Variants in PCDHGB5 observed in about 807,000 individuals in gnomAD.
PCDHGB5 encodes the protein protocadherin gamma-B5.
In PCDHGB5, 48 loss-of-function variants were observed where a neutral mutation model predicts 62.9. The ratio of observed to expected loss-of-function variants is 0.76; its 90% CI spans 0.61 to 0.97. The LOEUF (loss-of-function observed/expected upper bound fraction) is 0.97. PCDHGB5 is among the 50% of genes least tolerant of loss of function. PCDHGB5 has a pLI of 0.00. For synonymous variants in PCDHGB5, 474 were observed against 511.2 expected (o/e 0.93, Z 0.98); for missense variants, 1,118 against 1,198.6 (o/e 0.93, Z 0.99).
intron 1 of PCDHGB5, among the ~76,000 whole-genome samples, chr5:141,448,632 T>G (rs1383720361): frequency 1.3e-5 from 2 of 152,106 alleles, no homozygotes; most frequent in Admixed American, 1.3e-4. Context: ...TTCTTCACAT[T>G]ATATCCTTTA....
At chr5:141,453,481 TA>T (rs1178324090) in intron 1 of PCDHGB5, among the ~76,000 whole-genome samples, 1 of 151,928 alleles carries the variant, frequency 6.6e-6, no homozygotes, top group Non-Finnish European at 1.5e-5. Context: ...TCAAAACTAT[TA>T]AAAAAAGGTG....
chr5:141,404,932 C>A, intron 1 of PCDHGB5: 1 of 1,613,944 alleles, frequency 6.2e-7, no homozygotes, highest in Non-Finnish European at 8.5e-7. Flanking sequence ...CTGTCACGCT[C>A]ACAGTAGCCA....
Position 141,432,593 on chromosome 5 carries a change from A to G in PCDHGB5, c.2397+32069A>G, listed in dbSNP as rs2097518945. ...GCTGTCCTACCGTCTGCTCAAGGCC[A>G]GCGAGCCGGGACTCTTCTCGGTGGG... On this transcript the variant is annotated intron_variant, in intron 1 of 3. Transcript: ENST00000617380. The surrounding 1 kb of genome is among the most constrained non-coding windows in gnomAD (Gnocchi z 6.0). 6.2e-7 allele frequency: 1 copy of G among 1,612,958 alleles called. No individual in the cohort carries two copies. Among genetic ancestry groups the G allele is most frequent in the Non-Finnish European group, 8.5e-7 (1 of 1,179,834 alleles).
At chr5:141,507,558 G>A (rs573728108) in intron 3 of PCDHGB5, among the ~76,000 whole-genome samples, 57 of 152,346 alleles carry the variant, frequency 3.7e-4, no homozygotes, top group African/African-American at 1.3e-3. Context: ...AGTGGCAGGC[G>A]GCTGGGTCTG....
rs1299607088 is a variant in PCDHGB5 at position 141,472,933 on chromosome 5, C to T, written c.2398-21874C>T. ...CCCAAGAGGAGGAGGTTGTGGTGAG[C>T]CAAGATTATGCCATTGCACTCCAGC... On this transcript the variant is annotated intron_variant, in intron 1 of 3. Coordinates refer to ENST00000617380, the MANE Select transcript of PCDHGB5 (RefSeq NM_018925.3). Among the ~76,000 whole-genome samples, 4 of 143,758 alleles carry T rather than the reference C, an allele frequency of 2.8e-5. No individual in the cohort carries two copies. In the Admixed American group the frequency reaches 2.9e-4, roughly 10 times the overall value. 94.3% of individuals were successfully genotyped at this position (143,758 alleles called of 152,430 possible). A position where few individuals can be genotyped will look rare whatever the true frequency, so the allele number is the denominator to read the frequency against.
chr5:141,495,430 C>T (rs1189953474), intron 2 of PCDHGB5, among the ~76,000 whole-genome samples: 3 of 152,220 alleles, frequency 2.0e-5, no homozygotes, highest in Admixed American at 2.0e-4. Context: ...TCCCACTGTC[C>T]TCTGCCCCTA....
At chr5:141,458,987 C>A (rs2098958554) in intron 1 of PCDHGB5, among the ~76,000 whole-genome samples, 1 of 152,168 alleles carries the variant, frequency 6.6e-6, no homozygotes, top group Non-Finnish European at 1.5e-5. Context: ...CCTGCCTCAC[C>A]CTCCCAAAGT....
Position 141,420,095 on chromosome 5 carries a change from G to A in PCDHGB5, c.2397+19571G>A, listed in dbSNP as rs1382286285. 2.5e-6 allele frequency: 4 copies of A among 1,613,882 alleles called. No individual in the cohort carries two copies. Among genetic ancestry groups the A allele is most frequent in the Admixed American group, 1.7e-5 (1 of 60,010 alleles). ...TGTGGGTCCCCCCAACTACAGTGAGGGAACGTTGCCCTATGCCTATAATTT... is the reference window on the plus strand; with the variant it reads ...TGTGGGTCCCCCCAACTACAGTGAGAGAACGTTGCCCTATGCCTATAATTT... On this transcript the variant is annotated intron_variant, in intron 1 of 3. Coordinates refer to ENST00000617380, the MANE Select transcript of PCDHGB5 (RefSeq NM_018925.3).
rs756423770 is a variant in PCDHGB5 at position 141,430,950 on chromosome 5, T to G, written c.2397+30426T>G. 8 of 1,609,862 alleles carry G rather than the reference T, an allele frequency of 5.0e-6. No individual in the cohort carries two copies. The East Asian group carries it at 1.6e-4, about 31-fold the overall frequency. On this transcript the variant is annotated intron_variant, in intron 1 of 3. Coordinates refer to ENST00000617380, the MANE Select transcript of PCDHGB5 (RefSeq NM_018925.3). ...CCCCGGGAGCTCGCGGAGCGCGGAG[T>G]CCGCATCATCCCCAGAGGTAGGACG...
chr5:141,415,048 G>C lies in PCDHGB5; in HGVS notation c.2397+14524G>C, dbSNP rs535976406. The C allele has an allele frequency of 5.0e-5, 80 of 1,613,320 alleles. 1 individual carries two copies. The Admixed American group carries it at 6.0e-4, about 12-fold the overall frequency. ...CGAGCCGGGACTCTTCGCGGTGGGG[G>C]AGCACACGGGCGAGGTGCGCACGGC... is the stretch of plus-strand genomic sequence containing the variant. On this transcript the variant is annotated intron_variant, in intron 1 of 3. Transcript: ENST00000617380.
chr5:141,409,180 T>C (rs2095236494), intron 1 of PCDHGB5: 1 of 1,613,848 alleles, frequency 6.2e-7, no homozygotes, highest in Non-Finnish European at 8.5e-7. Flanking sequence ...ACGGAGGTGG[T>C]CTCTCTACCC....
In PCDHGB5 at chr5:141,399,213, T is replaced by G. The variant is rs2093770836; in HGVS notation, c.1086T>G (p.Ile362Met). The change falls in exon 1 of 4, where the codon ATT (isoleucine) becomes ATG (methionine). Residue 362 changes from isoleucine (I) to methionine (M), a missense_variant. By Grantham distance (10) the Ile-to-Met change is conservative (BLOSUM62 1). This residue lies in a region of PCDHGB5 where 1,034 missense variants were observed against 1,029.1 expected (regional missense o/e 1.00). Transcript: ENST00000617380. ...ILENAVPGTL[I>M]ALIKIHDQDS... ...AAAACGCGGTGCCTGGAACACTAATTGCTTTGATCAAAATACATGACCAAG... is the reference window on the plus strand; with the variant it reads ...AAAACGCGGTGCCTGGAACACTAATGGCTTTGATCAAAATACATGACCAAG... The G allele has an allele frequency of 6.2e-7, 1 of 1,613,970 alleles. No homozygotes were observed. Among genetic ancestry groups the G allele is most frequent in the East Asian group, 2.2e-5 (1 of 44,884 alleles).
intron 3 of PCDHGB5, among the ~76,000 whole-genome samples, chr5:141,508,579 G>A (rs569867127): frequency 6.6e-6 from 1 of 152,234 alleles, no homozygotes; most frequent in East Asian, 1.9e-4. Flanking sequence ...ACCCACTCGG[G>A]GTGCTACTCA....
chr5:141,417,023 T>C (rs2096074487), intron 1 of PCDHGB5: 1 of 139,106 alleles, frequency 7.2e-6, no homozygotes, highest in South Asian at 2.3e-4. Flanking sequence ...TTTTGAAAAA[T>C]ACAGGTTTTT....
In PCDHGB5 at chr5:141,400,448, A is replaced by G. The variant is rs750585724; in HGVS notation, c.2321A>G (p.Asp774Gly). The G allele has an allele frequency of 6.2e-7, 1 of 1,614,078 alleles. No individual in the cohort carries two copies. Among genetic ancestry groups the G allele is most frequent in the Non-Finnish European group, 8.5e-7 (1 of 1,179,908 alleles). The part of the protein sequence containing the change: ...KCSEQLSSGQ[D>G]ILCGDSSGAL... Reference sequence around the variant, plus strand: ...AGTGAGCAATTGAGTTCAGGACAAGACATACTTTGTGGTGATTCATCTGGG... The same window carrying G: ...AGTGAGCAATTGAGTTCAGGACAAGGCATACTTTGTGGTGATTCATCTGGG... Residue 774 changes from aspartate to glycine, a missense_variant, in exon 1 of 4, where the codon GAC (aspartate) becomes GGC (glycine). Transcript: ENST00000617380.
At chr5:141,408,850 C>T (rs2095179070) in intron 1 of PCDHGB5, 2 of 1,613,554 alleles carry the variant, frequency 1.2e-6, no homozygotes, top group South Asian at 1.1e-5. Context: ...CTGCCTTGGA[C>T]GGAGGGGACC....
rs1185679701 is a variant in PCDHGB5, at chr5:141,511,384, G to A, written c.*211G>A. On this transcript the variant is annotated 3_prime_UTR_variant, in exon 4 of 4. Coordinates refer to ENST00000617380, the MANE Select transcript of PCDHGB5 (RefSeq NM_018925.3). ...TTGAATATGCAAAAGCAGTTCCGCT[G>A]GGAACCCCCATCCAATCAACTGCTG... is the stretch of plus-strand genomic sequence containing the variant. 3.5e-6 allele frequency: 4 copies of A among 1,154,490 alleles called. No homozygotes were observed. Among genetic ancestry groups the A allele is most frequent in the Admixed American group, 2.9e-5 (1 of 34,748 alleles). 71.5% of individuals were successfully genotyped at this position (1,154,490 alleles called of 1,614,324 possible). A position where few individuals can be genotyped will look rare whatever the true frequency, so the allele number is the denominator to read the frequency against.
At chr5:141,500,094 A>C (rs2099796337) in intron 2 of PCDHGB5, among the ~76,000 whole-genome samples, 1 of 151,860 alleles carries the variant, frequency 6.6e-6, no homozygotes, top group South Asian at 2.1e-4. Context: ...CCATTTTTGC[A>C]ATTTATTTGT....
intron 1 of PCDHGB5, among the ~76,000 whole-genome samples, chr5:141,466,725 G>A (rs1184472416): frequency 2.6e-5 from 4 of 152,024 alleles, no homozygotes; most frequent in Non-Finnish European, 5.9e-5. Context: ...TTCCATTTTA[G>A]CAGAATTCAT....
Sources: gnomAD v4.1 joint callset for allele counts (sites outside exome capture counted in the v4.1 genomes callset) on GRCh38, gnomAD v4.1.1 for gene constraint, gnomAD v4.1.1 regional missense constraint, Gnocchi (gnomAD v3.1) non-coding constraint, MANE v1.5 for transcripts, NCBI Gene and HGNC (gene_info 2026-07-23, HGNC 2026-07-21) for gene names.